RASAL2: variants seen among roughly 807,000 people sequenced by gnomAD.
The protein encoded by RASAL2 is RAS protein activator like 2, also known as ras GTPase-activating protein nGAP.
In RASAL2, 58 loss-of-function variants were observed where a neutral mutation model predicts 128.9. That is an observed-to-expected ratio of 0.45 (90% CI 0.36 to 0.56). RASAL2 has a LOEUF of 0.56. Ranked by LOEUF, RASAL2 falls within the 20% of genes least tolerant of loss-of-function variation. The pLI, the probability that RASAL2 is intolerant of heterozygous loss-of-function variation, is 0.00. For synonymous variants in RASAL2, 561 were observed against 580.8 expected (o/e 0.97, Z 0.49); for missense variants, 1,360 against 1,601.6 (o/e 0.85, Z 2.57).
chr1:178,477,358 T>C lies in RASAL2; in HGVS notation c.*4119T>C, dbSNP rs926168591. 1 of 152,234 alleles carries C rather than the reference T, an allele frequency of 6.6e-6. No homozygotes were observed. The highest frequency in any genetic ancestry group is 2.4e-5 in the African/African-American group (1 of 41,462). 9.4% of individuals were successfully genotyped at this position (152,234 alleles called of 1,614,324 possible). Reference sequence around the variant, plus strand: ...AATGTTGGAGTGTTGAATTTTTAAATAGAATCTCTTTTCATGTTTGAATGA... The same window carrying C: ...AATGTTGGAGTGTTGAATTTTTAAACAGAATCTCTTTTCATGTTTGAATGA... On this transcript the variant is annotated 3_prime_UTR_variant, in exon 18 of 18. Coordinates refer to ENST00000367649, the MANE Select transcript of RASAL2 (RefSeq NM_170692.4).
intron 3 of RASAL2, among the ~76,000 whole-genome samples, chr1:178,301,676 G>T (rs921117912): frequency 5.3e-5 from 8 of 151,978 alleles, no homozygotes; most frequent in African/African-American, 1.9e-4. Flanking sequence ...CTGATGATCT[G>T]CCCTCCTCAG....
chr1:178,195,786 C>G (rs1221729177), intron 1 of RASAL2, among the ~76,000 whole-genome samples: 1 of 152,014 alleles, frequency 6.6e-6, no homozygotes, highest in African/African-American at 2.4e-5. Flanking sequence ...AAGCATGACA[C>G]TTAAAAAAAT....
chr1:178,402,588 TC>T (rs1221597586), intron 4 of RASAL2, among the ~76,000 whole-genome samples: 1 of 152,146 alleles, frequency 6.6e-6, no homozygotes, highest in Non-Finnish European at 1.5e-5. Context: ...CCCACTTCTT[TC>T]CCCCTTCATT....
At chr1:178,123,562 T>G (rs561291704) in intron 1 of RASAL2, among the ~76,000 whole-genome samples, 1 of 152,322 alleles carries the variant, frequency 6.6e-6, no homozygotes, top group Admixed American at 6.5e-5. Flanking sequence ...TGCTTTGTGG[T>G]CCCCACTTCA....
intron 3 of RASAL2, among the ~76,000 whole-genome samples, chr1:178,388,530 T>G (rs1055759291): frequency 6.6e-6 from 1 of 152,204 alleles, no homozygotes; most frequent in African/African-American, 2.4e-5. Context: ...GGAACTCTCT[T>G]GTACTGCAAG....
chr1:178,162,567 A>G (rs897150391), intron 1 of RASAL2, among the ~76,000 whole-genome samples: 5 of 125,116 alleles, frequency 4.0e-5, no homozygotes, highest in African/African-American at 1.5e-4. Flanking sequence ...ATATCTTTAT[A>G]TAAAATATAT....
At chr1:178,240,362 T>C (rs1664446644) in intron 1 of RASAL2, among the ~76,000 whole-genome samples, 2 of 152,122 alleles carry the variant, frequency 1.3e-5, no homozygotes, top group Admixed American at 1.3e-4. Context: ...AACTTAATAC[T>C]TTCCTGTAAA....
chr1:178,217,015 G>T (rs1003342139), intron 1 of RASAL2, among the ~76,000 whole-genome samples: 4 of 151,760 alleles, frequency 2.6e-5, no homozygotes, highest in African/African-American at 9.7e-5. Flanking sequence ...CGCTCTTGTT[G>T]CCCAGGCTGG....
intron 3 of RASAL2, among the ~76,000 whole-genome samples, chr1:178,307,348 C>T (rs903868004): frequency 6.6e-6 from 1 of 151,996 alleles, no homozygotes; most frequent in African/African-American, 2.4e-5. Flanking sequence ...CTAAAGTACC[C>T]ACTTCCAGAT....
chr1:178,400,585 G>A (rs1435417424), intron 4 of RASAL2, among the ~76,000 whole-genome samples: 1 of 152,042 alleles, frequency 6.6e-6, no homozygotes, highest in Non-Finnish European at 1.5e-5. Context: ...CATTTGGGGT[G>A]CAGAAAGAAA....
intron 1 of RASAL2, among the ~76,000 whole-genome samples, chr1:178,216,227 T>C (rs116115490): frequency 0.015 from 2,239 of 152,306 alleles, 35 homozygotes; most frequent in Non-Finnish European, 0.022. Flanking sequence ...GTGTTAAATA[T>C]GAAGAGTTAT....
At chr1:178,257,304 A>G (rs10798602) in intron 1 of RASAL2, among the ~76,000 whole-genome samples, 40,913 of 151,964 alleles carry the variant, frequency 0.27, 6,394 homozygotes, top group African/African-American at 0.44. Context: ...AATTGCAAGC[A>G]ACCCAGAATA....
chr1:178,441,663 A>C lies in RASAL2; in HGVS notation c.927+16A>C, dbSNP rs916706203. ...ACCTAATAAGGTAATAGTAGCTTCA[A>C]GTATCTAAAAAATGTATAACTTTGT... On this transcript the variant is annotated intron_variant, in intron 7 of 17. Transcript: ENST00000367649. 6.3e-7 allele frequency: 1 copy of C among 1,577,924 alleles called. No homozygotes were observed. Among genetic ancestry groups the C allele is most frequent in the Non-Finnish European group, 8.7e-7 (1 of 1,148,934 alleles).
intron 3 of RASAL2, among the ~76,000 whole-genome samples, chr1:178,337,022 A>G (rs371444782): frequency 3.3e-5 from 5 of 151,822 alleles, no homozygotes; most frequent in Non-Finnish European, 5.9e-5. Flanking sequence ...ATATCAGGGG[A>G]CTGATATTTG....
chr1:178,278,321 C>G (rs1310353535), intron 1 of RASAL2, among the ~76,000 whole-genome samples: 2 of 152,110 alleles, frequency 1.3e-5, no homozygotes, highest in Non-Finnish European at 1.5e-5. Flanking sequence ...CAAGTCATCT[C>G]TGTAACCTGT....
intron 1 of RASAL2, among the ~76,000 whole-genome samples, chr1:178,204,235 C>T (rs570947314): frequency 2.1e-4 from 32 of 152,178 alleles, no homozygotes; most frequent in African/African-American, 7.7e-4. Context: ...TCTGGTTGTA[C>T]GAAGGATAGT....
intron 17 of RASAL2, 145 bp from the exon 18 acceptor site, chr1:178,472,930 C>A: frequency 1.1e-6 from 1 of 879,880 alleles, no homozygotes. Flanking sequence ...GACCAGTGTG[C>A]AGAAAGAGGC....
In RASAL2 at chr1:178,466,136, T is replaced by C; in HGVS notation, c.3590+14T>C. The C allele has an allele frequency of 6.5e-7, 1 of 1,535,802 alleles. No homozygotes were observed. ...CATCATCAGCAGGTTAGACATCACCTGGCAGCAGATGTGGGCTAGTTAGCA... is the reference window on the plus strand; with the variant it reads ...CATCATCAGCAGGTTAGACATCACCCGGCAGCAGATGTGGGCTAGTTAGCA... On this transcript the variant is annotated intron_variant, in intron 16 of 17. Transcript: ENST00000367649.
chr1:178,459,901 C>A (rs1396436734), intron 14 of RASAL2, among the ~76,000 whole-genome samples: 2 of 152,012 alleles, frequency 1.3e-5, no homozygotes, highest in Non-Finnish European at 2.9e-5. Flanking sequence ...AAATAGATAT[C>A]TTTTATATGT....
Sources: allele counts gnomAD v4.1 joint callset (sites outside exome capture counted in the v4.1 genomes callset), GRCh38; gene constraint gnomAD v4.1.1; transcripts MANE v1.5; gene names NCBI Gene and HGNC (gene_info 2026-07-23, HGNC 2026-07-21).